WWOX: variants seen among roughly 807,000 people sequenced by gnomAD.
WWOX encodes the protein WW domain containing oxidoreductase, also known as WW domain-containing oxidoreductase.
A neutral mutation model predicts 46.2 loss-of-function variants in WWOX; 69 were observed. The ratio of observed to expected loss-of-function variants is 1.49; its 90% confidence interval spans 1.23 to 1.82. The LOEUF (loss-of-function observed/expected upper bound fraction) is 1.82, where lower values mean the gene tolerates loss of function less well. Ranked by LOEUF, WWOX falls within the 40% of genes most tolerant of loss-of-function variation. The pLI is 0.00. For synonymous variants in WWOX, 359 were observed against 202.6 expected (o/e 1.77, Z -6.56); for missense variants, 919 against 542.6 (o/e 1.69, Z -6.89).
chr16:79,051,207 A>G (rs114156323), intron 8 of WWOX, among the ~76,000 whole-genome samples: 79 of 152,332 alleles, frequency 5.2e-4, no homozygotes, highest in African/African-American at 1.6e-3. Flanking sequence ...TCTTTAGAGG[A>G]GTAAAGTGTT....
intron 8 of WWOX, among the ~76,000 whole-genome samples, chr16:78,929,960 C>G (rs1233303873): frequency 6.6e-6 from 1 of 152,118 alleles, no homozygotes; most frequent in Non-Finnish European, 1.5e-5. Context: ...GCTAACTGCC[C>G]TTGCAGCTAG....
At chr16:78,869,573 G>T (rs1222244499) in intron 8 of WWOX, among the ~76,000 whole-genome samples, 3 of 152,210 alleles carry the variant, frequency 2.0e-5, no homozygotes, top group Non-Finnish European at 1.5e-5. Context: ...TTGAAGTGCT[G>T]TGTTGAAAAG....
intron 8 of WWOX, among the ~76,000 whole-genome samples, chr16:78,609,133 G>A (rs1453365940): frequency 6.6e-6 from 1 of 152,144 alleles, no homozygotes; most frequent in African/African-American, 2.4e-5. Context: ...CAGAGGGGCA[G>A]GGGAAGGTTA....
chr16:78,228,092 T>G (rs374096715), intron 5 of WWOX, among the ~76,000 whole-genome samples: 1 of 152,140 alleles, frequency 6.6e-6, no homozygotes, highest in Non-Finnish European at 1.5e-5. Context: ...GCTGGTTGGC[T>G]TTGTCACAAA....
chr16:78,826,083 C>T (rs2051647506), intron 8 of WWOX: 2 of 359,288 alleles, frequency 5.6e-6, no homozygotes, highest in Non-Finnish European at 5.0e-6. Flanking sequence ...TGTACAAAGA[C>T]AACCGGGAAT....
At chr16:78,881,108 C>T (rs2044334799) in intron 8 of WWOX, among the ~76,000 whole-genome samples, 1 of 151,436 alleles carries the variant, frequency 6.6e-6, no homozygotes, top group Non-Finnish European at 1.5e-5. Context: ...CCTCCTACCT[C>T]AGCCTCCCAA....
At chr16:78,300,491 C>T (rs1028654205) in intron 5 of WWOX, among the ~76,000 whole-genome samples, 1 of 151,068 alleles carries the variant, frequency 6.6e-6, no homozygotes, top group Non-Finnish European at 1.5e-5. Flanking sequence ...TGTCCTCCCT[C>T]CCTCCCTCCT....
At chr16:78,374,180 TTC>T (rs1169263669) in intron 5 of WWOX, among the ~76,000 whole-genome samples, 1 of 152,226 alleles carries the variant, frequency 6.6e-6, no homozygotes, top group African/African-American at 2.4e-5. Flanking sequence ...AAGCTAATGA[TTC>T]TTTCCTCCCT....
chr16:78,411,362 A>G (rs1247647596), intron 6 of WWOX, among the ~76,000 whole-genome samples: 3 of 152,160 alleles, frequency 2.0e-5, no homozygotes, highest in Non-Finnish European at 4.4e-5. Flanking sequence ...GGGCTAATCA[A>G]CGTGTTGATT....
At chr16:78,885,301 C>T (rs1032829060) in intron 8 of WWOX, among the ~76,000 whole-genome samples, 12 of 151,248 alleles carry the variant, frequency 7.9e-5, no homozygotes, top group African/African-American at 2.7e-4. Context: ...CTAAATTATC[C>T]AGTCTTATAA....
intron 8 of WWOX, among the ~76,000 whole-genome samples, chr16:78,662,045 A>G (rs1236976246): frequency 2.6e-5 from 4 of 152,170 alleles, no homozygotes; most frequent in African/African-American, 9.7e-5. Context: ...CCATGTCTCA[A>G]AATAATGATA....
intron 8 of WWOX, among the ~76,000 whole-genome samples, chr16:78,683,928 A>G (rs1188930845): frequency 1.3e-5 from 2 of 152,188 alleles, no homozygotes. Flanking sequence ...TAATGTTGGC[A>G]AGCTGAGGAA....
At chr16:78,168,352 G>A (rs1444061701) in intron 5 of WWOX, 1 of 151,860 alleles carries the variant, frequency 6.6e-6, no homozygotes, top group African/African-American at 2.4e-5. Flanking sequence ...ACAGCTAACA[G>A]CCCCCATTTA....
At chr16:79,171,975 G>A (rs2050708219) in intron 8 of WWOX, among the ~76,000 whole-genome samples, 1 of 152,268 alleles carries the variant, frequency 6.6e-6, no homozygotes, top group Non-Finnish European at 1.5e-5. Flanking sequence ...GATGCAGTTG[G>A]CAGTTTGCCA....
At chr16:79,041,271 G>A (rs1260372527) in intron 8 of WWOX, among the ~76,000 whole-genome samples, 1 of 152,086 alleles carries the variant, frequency 6.6e-6, no homozygotes, top group Non-Finnish European at 1.5e-5. Context: ...CCTTCATAAG[G>A]TTAATCATCT....
intron 8 of WWOX, chr16:78,550,737 G>A (rs7206180): frequency 1.2e-3 from 183 of 152,272 alleles, no homozygotes; most frequent in African/African-American, 4.2e-3. Flanking sequence ...ATGGGAAGGC[G>A]GGAAAGAGCT....
rs2043289121 is a variant in WWOX at position 78,518,717 on chromosome 16, C to T, written c.1056+85965C>T. ...TGCAAGGTCCTGGGGAACCAGTGGG[C>T]AGCCACACAGAGAAGGTCCCAATGG... On this transcript the variant is annotated intron_variant, in intron 8 of 8. Transcript: ENST00000566780. Among the ~76,000 whole-genome samples the T allele has an allele frequency of 2.6e-5, 4 of 152,208 alleles. No individual in the cohort carries two copies. In the South Asian group the frequency reaches 8.3e-4, roughly 32 times the overall value.
intron 8 of WWOX, among the ~76,000 whole-genome samples, chr16:79,060,325 T>G (rs1342349386): frequency 1.3e-5 from 2 of 152,244 alleles, no homozygotes; most frequent in African/African-American, 4.8e-5. Context: ...TGTCATGCAT[T>G]TTATAGCCCA....
intron 8 of WWOX, among the ~76,000 whole-genome samples, chr16:78,559,969 C>G (rs1374337816): frequency 6.6e-6 from 1 of 152,186 alleles, no homozygotes; most frequent in African/African-American, 2.4e-5. Context: ...TTTGTCTGAA[C>G]TAGCCAAGGT....
Sources: gnomAD v4.1 joint callset for allele counts (sites outside exome capture counted in the v4.1 genomes callset) on GRCh38, gnomAD v4.1.1 for gene constraint, MANE v1.5 for transcripts, NCBI Gene and HGNC (gene_info 2026-07-23, HGNC 2026-07-21) for gene names.